PLEKHA5: variants seen among roughly 807,000 people sequenced by gnomAD.
PLEKHA5 encodes the protein pleckstrin homology domain-containing family A member 5.
In PLEKHA5, 55 loss-of-function variants were observed where a neutral mutation model predicts 181.9. The ratio of observed to expected loss-of-function variants is 0.30; its 90% CI spans 0.24 to 0.38. The LOEUF is 0.38. Among genes scored for constraint, PLEKHA5 ranks in the 10% least tolerant of loss-of-function variants. PLEKHA5 has a pLI of 1.00. For synonymous variants in PLEKHA5, 535 were observed against 529.4 expected, an observed-to-expected ratio of 1.01 and a Z score of -0.15; for missense variants, 1,432 against 1,549.5, an observed-to-expected ratio of 0.92 and a Z score of 1.27.
chr12:19,288,919 G>T (rs574164596), intron 13 of PLEKHA5, among the ~76,000 whole-genome samples: 2 of 152,188 alleles, frequency 1.3e-5, no homozygotes, highest in Admixed American at 1.3e-4. Context: ...TAAAGTTATT[G>T]GTATCTTTCA....
At chr12:19,322,944 C>T (rs1449206229) in intron 20 of PLEKHA5, among the ~76,000 whole-genome samples, 1 of 151,008 alleles carries the variant, frequency 6.6e-6, no homozygotes, top group Non-Finnish European at 1.5e-5. Context: ...GCCTGAATCT[C>T]TTGGACTCAA....
intron 15 of PLEKHA5, among the ~76,000 whole-genome samples, chr12:19,295,820 G>A (rs939240839): frequency 6.6e-6 from 1 of 152,154 alleles, no homozygotes; most frequent in Non-Finnish European, 1.5e-5. Flanking sequence ...TAGTATCCCT[G>A]GTGGTTAGAT....
chr12:19,171,786 C>CT (rs968957408), intron 3 of PLEKHA5, among the ~76,000 whole-genome samples: 1 of 152,144 alleles, frequency 6.6e-6, no homozygotes, highest in East Asian at 1.9e-4. Flanking sequence ...ATTCTGTATG[C>CT]TTTTTTATAT....
rs111916873 is a variant in PLEKHA5 at position 19,330,578 on chromosome 12, A to G, written c.2449-5937A>G. Among the ~76,000 whole-genome samples, 124 of 145,878 alleles carry G rather than the reference A, an allele frequency of 8.5e-4. 1 individual carries two copies. The highest frequency in any genetic ancestry group is 2.8e-3 in the African/African-American group (117 of 41,178). The stretch of plus-strand genomic sequence containing the variant: ...ATGACAAGTATAAATTCGTAAAAAA[A>G]AATTATTTTTTAAAAAACTCCTTAA... On this transcript the variant is annotated intron_variant, in intron 20 of 31. Coordinates refer to ENST00000429027, the MANE Select transcript of PLEKHA5 (RefSeq NM_001256470.2).
At chr12:19,139,726 T>C (rs767239274) in intron 3 of PLEKHA5, among the ~76,000 whole-genome samples, 1 of 152,206 alleles carries the variant, frequency 6.6e-6, no homozygotes, top group Non-Finnish European at 1.5e-5. Flanking sequence ...CTTAGCCCGT[T>C]GTGGGGGTTG....
At chr12:19,148,096 G>A (rs145006034) in intron 3 of PLEKHA5, among the ~76,000 whole-genome samples, 51 of 150,466 alleles carry the variant, frequency 3.4e-4, no homozygotes, top group Non-Finnish European at 6.4e-4. Flanking sequence ...TCGTTCTGTT[G>A]CCCGGGCTGG....
intron 3 of PLEKHA5, among the ~76,000 whole-genome samples, chr12:19,134,133 AGTAT>A (rs1386816380): frequency 6.6e-6 from 1 of 151,950 alleles, no homozygotes; most frequent in Non-Finnish European, 1.5e-5. Flanking sequence ...GTGTGGGCTG[AGTAT>A]GTATGTTTTA....
At chr12:19,212,845 T>G (rs1176787616) in intron 3 of PLEKHA5, among the ~76,000 whole-genome samples, 127 of 151,250 alleles carry the variant, frequency 8.4e-4, no homozygotes, top group African/African-American at 2.9e-3. Context: ...GTTTTTTTTT[T>G]TTTTTTAATT....
At chr12:19,145,367 A>G (rs2038640727) in intron 3 of PLEKHA5, among the ~76,000 whole-genome samples, 1 of 152,178 alleles carries the variant, frequency 6.6e-6, no homozygotes, top group South Asian at 2.1e-4. Flanking sequence ...CTCCTGATGC[A>G]GTAAAGTCCT....
intron 3 of PLEKHA5, among the ~76,000 whole-genome samples, chr12:19,139,604 T>C (rs949978892): frequency 2.6e-5 from 4 of 152,226 alleles, no homozygotes; most frequent in Admixed American, 2.6e-4. Flanking sequence ...AAGAACTTTA[T>C]AGTTGAATTA....
At chr12:19,172,210 C>T (rs918173637) in intron 3 of PLEKHA5, among the ~76,000 whole-genome samples, 7 of 152,174 alleles carry the variant, frequency 4.6e-5, no homozygotes, top group Non-Finnish European at 1.0e-4. Flanking sequence ...TTTACATCAG[C>T]ATCACTACAA....
At chr12:19,266,184 A>G (rs1291991402) in intron 8 of PLEKHA5, among the ~76,000 whole-genome samples, 1 of 152,096 alleles carries the variant, frequency 6.6e-6, no homozygotes, top group African/African-American at 2.4e-5. Flanking sequence ...TGAATTTTTT[A>G]ATAATAAATT....
At chr12:19,363,831 AT>A (rs2095339618) in intron 29 of PLEKHA5, among the ~76,000 whole-genome samples, 1 of 152,102 alleles carries the variant, frequency 6.6e-6, no homozygotes, top group South Asian at 2.1e-4. Flanking sequence ...CTTTCCCTCC[AT>A]TAAACATATT....
chr12:19,277,244 G>A (rs781690682), intron 11 of PLEKHA5, among the ~76,000 whole-genome samples: 2 of 152,110 alleles, frequency 1.3e-5, no homozygotes, highest in East Asian at 1.9e-4. Context: ...AGATTGGTGC[G>A]TCTCTGCTCA....
chr12:19,325,741 G>C (rs1018232454), intron 20 of PLEKHA5, among the ~76,000 whole-genome samples: 1 of 151,012 alleles, frequency 6.6e-6, no homozygotes, highest in African/African-American at 2.4e-5. Context: ...AGGTGCGGTG[G>C]CTCAAGCCTG....
rs143068817 is a variant in PLEKHA5 at position 19,309,531 on chromosome 12, G to A, written c.2038-5283G>A. On this transcript the variant is annotated intron_variant, in intron 15 of 31. Coordinates refer to ENST00000429027, the MANE Select transcript of PLEKHA5 (RefSeq NM_001256470.2). ...AACACTTTGGGAGGCCGAGGCGGGC[G>A]GATCCCCTGAGGTCAGGTGATCGAG... 9.0e-3 allele frequency among the ~76,000 whole-genome samples: 1,367 copies of A among 152,102 alleles called. 27 individuals carry two copies. The highest frequency in any genetic ancestry group is 0.031 in the African/African-American group (1,281 of 41,462).
intron 3 of PLEKHA5, among the ~76,000 whole-genome samples, chr12:19,216,464 A>T (rs1270459735): frequency 6.6e-6 from 1 of 152,132 alleles, no homozygotes; most frequent in Non-Finnish European, 1.5e-5. Flanking sequence ...GGAGTTCGAG[A>T]CCAGCCTGGC....
chr12:19,186,868 T>C (rs1259764486), intron 3 of PLEKHA5, among the ~76,000 whole-genome samples: 1 of 152,232 alleles, frequency 6.6e-6, no homozygotes, highest in African/African-American at 2.4e-5. Flanking sequence ...TCCTTCTAAA[T>C]GCTTTGTTAA....
chr12:19,337,815 C>T (rs973626797), intron 21 of PLEKHA5, among the ~76,000 whole-genome samples: 9 of 151,612 alleles, frequency 5.9e-5, no homozygotes, highest in South Asian at 2.1e-4. Flanking sequence ...GCCAGGATCA[C>T]GAGGTCAGGA....
Sources: allele counts gnomAD v4.1 joint callset (sites outside exome capture counted in the v4.1 genomes callset), GRCh38; gene constraint gnomAD v4.1.1; transcripts MANE v1.5; gene names NCBI Gene and HGNC (gene_info 2026-07-23, HGNC 2026-07-21).